SMARCA1: variants seen among roughly 807,000 people sequenced by gnomAD.
The protein encoded by SMARCA1 is SNF2 related chromatin remodeling ATPase 1.
SMARCA1 carries 17 observed loss-of-function variants against 93.6 expected under a neutral mutation model. The observed-to-expected ratio is 0.18, with a 90% CI of 0.12 to 0.27. The LOEUF (loss-of-function observed/expected upper bound fraction) is 0.27. Ranked by LOEUF, SMARCA1 falls within the 10% of genes least tolerant of loss-of-function variation. The probability of loss-of-function intolerance (pLI) is 1.00; values close to 1 mark genes in which losing one functional copy is unlikely to be tolerated. For synonymous variants in SMARCA1, 271 were observed against 271.4 expected (o/e 1.00, Z 0.01); for missense variants, 630 against 819.0 (o/e 0.77, Z 2.82).
chrX:129,449,449 G>A (rs1198801457), intron 23 of SMARCA1, among the ~76,000 whole-genome samples: 1 of 111,683 alleles, frequency 9.0e-6, no homozygotes, highest in African/African-American at 3.3e-5. Flanking sequence ...AAACACTGCT[G>A]TATTTGTTAA....
intron 17 of SMARCA1, among the ~76,000 whole-genome samples, 183 bp downstream of exon 17, chrX:129,486,835 T>TGATGATGAC (rs749662735): frequency 9.1e-5 from 10 of 109,962 alleles, no homozygotes; most frequent in Admixed American, 4.9e-4. Context: ...ATGATGATGA[T>TGATGATGAC]GACGACGACG....
At chrX:129,474,103 T>A (rs1360041335) in intron 19 of SMARCA1, among the ~76,000 whole-genome samples, 3 of 111,112 alleles carry the variant, frequency 2.7e-5, no homozygotes, top group Non-Finnish European at 3.8e-5. Context: ...AATGGAAAAA[T>A]CGGTGAAAAA....
Position 129,497,897 on chromosome X carries a change from G to T in SMARCA1, c.1452C>A (p.Asn484Lys). The change falls in exon 11 of 25, where the codon AAC becomes AAA. Residue 484 changes from asparagine (N) to lysine (K), a missense_variant. Asn to Lys is a moderately conservative substitution (Grantham distance 94). Coordinates refer to ENST00000371121, the MANE Select transcript of SMARCA1 (RefSeq NM_001282874.2). Reference protein sequence around the residue: ...PYTTDEHIVSNSGKMVVLDKL... With the variant: ...PYTTDEHIVSKSGKMVVLDKL... The stretch of plus-strand genomic sequence containing the variant: ...TATCCAGAACTACCATTTTACCACT[G>T]TTGCTGACAATATGCTCATCAGTGG... The T allele has an allele frequency of 8.3e-7, 1 of 1,209,623 alleles. No individual in the cohort carries two copies. The highest frequency in any genetic ancestry group is 1.1e-6 in the Non-Finnish European group (1 of 893,599).
intron 3 of SMARCA1, 128 bp from the exon 4 acceptor site, chrX:129,516,122 T>C (rs1935189825): frequency 1.6e-6 from 1 of 606,973 alleles, no homozygotes; most frequent in Non-Finnish European, 2.6e-6. Flanking sequence ...TAGAAATCAG[T>C]AGAACCAGCC....
At chrX:129,503,292 T>TG (rs1218456553) in intron 9 of SMARCA1, among the ~76,000 whole-genome samples, 1 of 112,413 alleles carries the variant, frequency 8.9e-6, no homozygotes, top group Non-Finnish European at 1.9e-5. Flanking sequence ...CCTGGACAGT[T>TG]GTGAAATCTT....
chrX:129,470,147 G>A (rs1933049430), intron 20 of SMARCA1, among the ~76,000 whole-genome samples: 1 of 111,117 alleles, frequency 9.0e-6, no homozygotes, highest in Non-Finnish European at 1.9e-5. Flanking sequence ...ACTATGCATC[G>A]CACATTGTTC....
chrX:129,480,552 A>G (rs1023210238), intron 19 of SMARCA1, 149 bp downstream of exon 19: 3 of 256,438 alleles, frequency 1.2e-5, no homozygotes, highest in East Asian at 1.3e-4. Flanking sequence ...ACATCTAGTT[A>G]AACTTCCTCT....
chrX:129,492,813 T>C (rs989099531), intron 13 of SMARCA1, among the ~76,000 whole-genome samples: 1 of 111,378 alleles, frequency 9.0e-6, no homozygotes, highest in Admixed American at 9.6e-5. Context: ...ATACAAATGG[T>C]TAGAAAACAC....
At chrX:129,474,644 T>C (rs1009509626) in intron 19 of SMARCA1, among the ~76,000 whole-genome samples, 1 of 112,092 alleles carries the variant, frequency 8.9e-6, no homozygotes, top group Admixed American at 9.5e-5. Flanking sequence ...GAAAGCTATG[T>C]TTGCTATTTT....
chrX:129,501,610 T>TG (rs769531728), intron 9 of SMARCA1, among the ~76,000 whole-genome samples: 1,017 of 98,679 alleles, frequency 0.01, 5 homozygotes, highest in African/African-American at 0.018. Context: ...AAACTTTTTT[T>TG]GGGGGGGGAG....
At chrX:129,504,827 A>G (rs1407993186) in intron 8 of SMARCA1, 25 bp from the exon 9 acceptor site, 31 of 1,008,124 alleles carry the variant, frequency 3.1e-5, no homozygotes, top group Non-Finnish European at 3.6e-5. Context: ...AAATTCTCCA[A>G]TGAGTGCACA....
Position 129,492,061 on chromosome X carries a change from A to G in SMARCA1, c.1695T>C (p.Ser565=), listed in dbSNP as rs1405366788. The part of the protein sequence containing the change: ...EAIEAFNAPN[S]SKFIFMLSTR... ...TACTTAGCATAAAGATGAATTTGCT[A>G]CTATTAGGAGCATTAAAAGCCTCTA... Residue 565 remains serine (S), a synonymous_variant, in exon 14 of 25, where the codon AGT becomes AGC. Transcript: ENST00000371121. 1.7e-6 allele frequency: 2 copies of G among 1,173,281 alleles called. No individual in the cohort carries two copies. The highest frequency in any genetic ancestry group is 1.8e-5 in the African/African-American group (1 of 56,468).
chrX:129,458,989 T>C (rs569254076), intron 23 of SMARCA1, among the ~76,000 whole-genome samples: 2 of 112,497 alleles, frequency 1.8e-5, no homozygotes, highest in South Asian at 7.4e-4. Context: ...CGAAAAGCAA[T>C]GGCAGTCTAT....
At chrX:129,483,350 T>C (rs1933764740) in intron 17 of SMARCA1, among the ~76,000 whole-genome samples, 1 of 111,491 alleles carries the variant, frequency 9.0e-6, no homozygotes, top group African/African-American at 3.3e-5. Flanking sequence ...ATGCTAAAGA[T>C]GAGATTTCTT....
chrX:129,519,159 G>A (rs1299947635), intron 1 of SMARCA1, among the ~76,000 whole-genome samples: 3 of 111,486 alleles, frequency 2.7e-5, no homozygotes, highest in East Asian at 2.8e-4. Context: ...GTAATTTAGC[G>A]AAAACTAACA....
intron 8 of SMARCA1, 48 bp downstream of exon 8, chrX:129,506,032 T>C: frequency 1.0e-6 from 1 of 966,885 alleles, no homozygotes; most frequent in Non-Finnish European, 1.4e-6. Flanking sequence ...AAAACACATG[T>C]CAGTGAAAAT....
intron 23 of SMARCA1, among the ~76,000 whole-genome samples, chrX:129,455,193 T>C (rs1932547502): frequency 9.0e-6 from 1 of 111,404 alleles, no homozygotes; most frequent in African/African-American, 3.3e-5. Context: ...TAGCAAAGAC[T>C]TGGAACCAAC....
intron 24 of SMARCA1, among the ~76,000 whole-genome samples, chrX:129,447,767 T>C (rs962351279): frequency 9.0e-6 from 1 of 111,674 alleles, no homozygotes; most frequent in African/African-American, 3.3e-5. Flanking sequence ...CGATGAAATA[T>C]GGCAGTTTAC....
At chrX:129,475,761 T>A (rs1041142025) in intron 19 of SMARCA1, among the ~76,000 whole-genome samples, 1 of 112,352 alleles carries the variant, frequency 8.9e-6, no homozygotes, top group Non-Finnish European at 1.9e-5. Flanking sequence ...TTGGCCTTGT[T>A]TCTTAGGAGG....
Sources: gnomAD v4.1 joint callset for allele counts (sites outside exome capture counted in the v4.1 genomes callset) on GRCh38, gnomAD v4.1.1 for gene constraint, MANE v1.5 for transcripts, NCBI Gene and HGNC (gene_info 2026-07-23, HGNC 2026-07-21) for gene names.